RBFOX1: variants seen among roughly 807,000 people sequenced by gnomAD.
RBFOX1 encodes RNA binding fox-1 homolog 1.
RBFOX1 carries 8 observed loss-of-function variants against 57.7 expected under a neutral mutation model. The ratio of observed to expected loss-of-function variants is 0.14; its 90% CI spans 0.08 to 0.25. The LOEUF (loss-of-function observed/expected upper bound fraction) is 0.25. RBFOX1 is among the 10% of genes least tolerant of loss of function. The probability of loss-of-function intolerance (pLI) is 1.00; values close to 1 mark genes in which losing one functional copy is unlikely to be tolerated. For missense variants in RBFOX1, 611 were observed against 548.5 expected, an observed-to-expected ratio of 1.11 and a Z score of -1.14; for synonymous variants, 326 against 222.4, an observed-to-expected ratio of 1.47 and a Z score of -4.15.
intron 1 of RBFOX1, among the ~76,000 whole-genome samples, chr16:6,117,919 A>G (rs2096514623): frequency 6.6e-6 from 1 of 152,228 alleles, no homozygotes; most frequent in Non-Finnish European, 1.5e-5. Context: ...ACACAGTGAA[A>G]GCAGTAATTT....
At chr16:7,168,581 G>A (rs1053081552) in intron 4 of RBFOX1, among the ~76,000 whole-genome samples, 3 of 151,554 alleles carry the variant, frequency 2.0e-5, no homozygotes, top group African/African-American at 7.3e-5. Flanking sequence ...AAGTTAGAAG[G>A]GTTTTTCTGG....
intron 2 of RBFOX1, among the ~76,000 whole-genome samples, chr16:6,475,897 T>C (rs911552792): frequency 6.6e-6 from 1 of 152,222 alleles, no homozygotes; most frequent in African/African-American, 2.4e-5. Context: ...AAGGATAAGA[T>C]TGATTTTTAT....
intron 4 of RBFOX1, among the ~76,000 whole-genome samples, chr16:7,098,577 A>T (rs553228846): frequency 6.6e-6 from 1 of 152,304 alleles, no homozygotes; most frequent in East Asian, 1.9e-4. Context: ...AAACATATAC[A>T]TTCGGTTATA....
chr16:5,436,326 T>C (rs959784389), intron 1 of RBFOX1, among the ~76,000 whole-genome samples: 1 of 152,178 alleles, frequency 6.6e-6, no homozygotes, highest in Non-Finnish European at 1.5e-5. Context: ...GCACTGGTTT[T>C]GGTGGATTAG....
chr16:5,428,981 A>T (rs1227112893), intron 1 of RBFOX1, among the ~76,000 whole-genome samples: 1 of 151,928 alleles, frequency 6.6e-6, no homozygotes, highest in Admixed American at 6.6e-5. Context: ...TCTTCCTAAC[A>T]ACCCTCCGAC....
intron 4 of RBFOX1, among the ~76,000 whole-genome samples, chr16:7,349,642 T>C (rs57006762): frequency 0.2 from 30,057 of 151,980 alleles, 4,780 homozygotes; most frequent in African/African-American, 0.45. Context: ...CTTGAGAGGC[T>C]GAGGAGGGTT....
At chr16:6,798,507 C>G in intron 3 of RBFOX1, among the ~76,000 whole-genome samples, 1 of 152,018 alleles carries the variant, frequency 6.6e-6, no homozygotes, top group Non-Finnish European at 1.5e-5. Flanking sequence ...GAACCAGACC[C>G]CTGATGCTTA....
intron 4 of RBFOX1, among the ~76,000 whole-genome samples, chr16:7,272,991 C>G (rs2095357674): frequency 7.1e-6 from 1 of 140,426 alleles, no homozygotes; most frequent in South Asian, 2.5e-4. Flanking sequence ...CCCTCCCTCT[C>G]TCCCTTCCTT....
At chr16:5,931,468 G>C (rs2059054896) in intron 4 of RBFOX1, among the ~76,000 whole-genome samples, 1 of 152,144 alleles carries the variant, frequency 6.6e-6, no homozygotes, top group Non-Finnish European at 1.5e-5. Flanking sequence ...GGTGTTAACA[G>C]AGAAGGAGAG....
chr16:6,642,732 G>A (rs148277654), intron 2 of RBFOX1, among the ~76,000 whole-genome samples: 26 of 152,268 alleles, frequency 1.7e-4, no homozygotes, highest in Admixed American at 4.6e-4. Flanking sequence ...GTTGGGGATC[G>A]TTTTGTAGTT....
At chr16:7,239,761 A>G (rs933759372) in intron 4 of RBFOX1, among the ~76,000 whole-genome samples, 3 of 152,216 alleles carry the variant, frequency 2.0e-5, no homozygotes, top group African/African-American at 7.2e-5. Context: ...TCTTTGAATC[A>G]GCAGTAACTC....
At chr16:7,464,688 C>CTTT (rs57553411) in intron 4 of RBFOX1, among the ~76,000 whole-genome samples, 4 of 62,232 alleles carry the variant, frequency 6.4e-5, no homozygotes, top group Non-Finnish European at 1.1e-4. Flanking sequence ...TATTGTCTGT[C>CTTT]TTTTTTTTTT....
chr16:5,518,840 A>G (rs544645576), intron 2 of RBFOX1, among the ~76,000 whole-genome samples: 22 of 152,216 alleles, frequency 1.4e-4, no homozygotes, highest in Non-Finnish European at 2.6e-4. Flanking sequence ...GGCTGTTATG[A>G]GTTGAACCGC....
intron 4 of RBFOX1, among the ~76,000 whole-genome samples, chr16:7,403,084 T>C (rs1462013713): frequency 6.6e-6 from 1 of 152,188 alleles, no homozygotes; most frequent in Non-Finnish European, 1.5e-5. Flanking sequence ...CTTTTTATTT[T>C]CCCCCGGCTC....
At chr16:5,956,639 A>AATATAT (rs1373907599) in intron 4 of RBFOX1, among the ~76,000 whole-genome samples, 49 of 123,542 alleles carry the variant, frequency 4.0e-4, no homozygotes, top group African/African-American at 1.4e-3. Flanking sequence ...GCAAAAAACA[A>AATATAT]ATATATATAT....
chr16:5,501,503 G>A (rs902485160), intron 2 of RBFOX1, among the ~76,000 whole-genome samples: 5 of 152,138 alleles, frequency 3.3e-5, no homozygotes, highest in African/African-American at 1.2e-4. Context: ...AAGAGGGTTT[G>A]TCTCTGGAGG....
At chr16:6,881,146 A>G (rs2062853885) in intron 3 of RBFOX1, among the ~76,000 whole-genome samples, 2 of 152,154 alleles carry the variant, frequency 1.3e-5, no homozygotes, top group African/African-American at 2.4e-5. Context: ...GTGACTATAG[A>G]TGATCAGAGC....
chr16:6,291,072 T>C (rs977640850), intron 1 of RBFOX1, among the ~76,000 whole-genome samples: 1 of 152,152 alleles, frequency 6.6e-6, no homozygotes, highest in Non-Finnish European at 1.5e-5. Context: ...TGCCATGGCA[T>C]CTGTAAACTG....
rs530418089 is a variant in RBFOX1 at position 5,758,842 on chromosome 16, G to A, written c.319-108461G>A. 1.1e-4 allele frequency among the ~76,000 whole-genome samples: 16 copies of A among 152,264 alleles called. No homozygotes were observed. In the South Asian group the frequency reaches 2.9e-3, roughly 28 times the overall value. ...GTATGCTCCCCTAGACAGGAAAAAG[G>A]TTTGTTAATGTCCCACTGTGGCAAA... On this transcript the variant is annotated intron_variant, in intron 3 of 19. Coordinates refer to the RBFOX1 transcript ENST00000641259.
Sources: allele counts gnomAD v4.1 joint callset (sites outside exome capture counted in the v4.1 genomes callset), GRCh38; gene constraint gnomAD v4.1.1; transcripts MANE v1.5; gene names NCBI Gene and HGNC (gene_info 2026-07-23, HGNC 2026-07-21).